The following SYNPR variants were observed in gnomAD, a reference collection of about 807,000 sequenced individuals.
The protein encoded by SYNPR is synaptoporin.
Under a neutral mutation model 32.9 loss-of-function variants are expected in SYNPR, and 23 were observed. That is an observed-to-expected ratio of 0.70 (90% CI 0.50 to 0.99). The LOEUF (loss-of-function observed/expected upper bound fraction) is 0.99, where lower values mean the gene tolerates loss of function less well. Ranked by LOEUF, SYNPR falls within the 50% of genes least tolerant of loss-of-function variation. SYNPR has a pLI of 0.00. For missense variants in SYNPR, 318 were observed against 349.3 expected, an observed-to-expected ratio of 0.91 and a Z score of 0.71; for synonymous variants, 146 against 135.9, an observed-to-expected ratio of 1.07 and a Z score of -0.52.
chr3:63,265,290 G>T (rs1166146026), intron 2 of SYNPR, among the ~76,000 whole-genome samples: 3 of 133,282 alleles, frequency 2.3e-5, no homozygotes, highest in African/African-American at 8.5e-5. Context: ...CTCAATCTGT[G>T]GCCCAGGATG....
At chr3:63,269,857 A>C (rs555533491) in intron 3 of SYNPR, among the ~76,000 whole-genome samples, 401 of 152,270 alleles carry the variant, frequency 2.6e-3, no homozygotes, top group Non-Finnish European at 4.8e-3. Flanking sequence ...TTCTACCTTC[A>C]AGGAGATCAT....
chr3:63,546,669 TG>T (rs1464357262), intron 3 of SYNPR, among the ~76,000 whole-genome samples: 12 of 151,826 alleles, frequency 7.9e-5, no homozygotes, highest in Non-Finnish European at 1.6e-4. Context: ...TTGTCTCTAA[TG>T]GTAAAGTGGA....
At chr3:63,417,392 G>A (rs1300650635) in intron 2 of SYNPR, among the ~76,000 whole-genome samples, 2 of 152,304 alleles carry the variant, frequency 1.3e-5, no homozygotes, top group South Asian at 2.1e-4. Flanking sequence ...CTGCTTTCAT[G>A]GGCTGGTGAT....
intron 3 of SYNPR, among the ~76,000 whole-genome samples, chr3:63,532,766 C>T (rs1702134239): frequency 6.6e-6 from 1 of 152,198 alleles, no homozygotes; most frequent in Non-Finnish European, 1.5e-5. Flanking sequence ...CACAGACGTG[C>T]AAGGTTTTAC....
At chr3:63,256,496 G>T (rs149105805) in intron 2 of SYNPR, among the ~76,000 whole-genome samples, 1 of 152,172 alleles carries the variant, frequency 6.6e-6, no homozygotes, top group Non-Finnish European at 1.5e-5. Context: ...CAACAGACCC[G>T]CAGCTGAGGG....
intron 2 of SYNPR, among the ~76,000 whole-genome samples, chr3:63,408,706 A>G (rs547537823): frequency 2.3e-4 from 35 of 152,254 alleles, no homozygotes; most frequent in African/African-American, 8.2e-4. Flanking sequence ...TTTTTGTTTT[A>G]TCTGAGCCCT....
intron 2 of SYNPR, among the ~76,000 whole-genome samples, chr3:63,344,988 A>C (rs1300035801): frequency 6.6e-6 from 1 of 152,220 alleles, no homozygotes; most frequent in Non-Finnish European, 1.5e-5. Flanking sequence ...TTGGGTTTCC[A>C]GAATGAAAAA....
the SYNPR span, among the ~76,000 whole-genome samples, chr3:63,211,841 C>G: frequency 2.0e-5 from 1 of 49,974 alleles, no homozygotes; most frequent in Non-Finnish European, 4.4e-5. Flanking sequence ...GTATATCTCC[C>G]AATGCTATCC....
At chr3:63,207,036 G>C in the SYNPR span, among the ~76,000 whole-genome samples, 8 of 152,220 alleles carry the variant, frequency 5.3e-5, no homozygotes, top group Admixed American at 5.2e-4. Context: ...GGGAGAAGGA[G>C]AGAGGAAGTT....
intron 2 of SYNPR, among the ~76,000 whole-genome samples, chr3:63,344,548 A>G (rs2087411950): frequency 9.0e-6 from 1 of 111,646 alleles, no homozygotes; most frequent in Non-Finnish European, 1.8e-5. Context: ...TATTCAAAAA[A>G]GATTTTTTTT....
In SYNPR at chr3:63,542,286, G is replaced by C. The variant is rs570726670; in HGVS notation, c.210-14257G>C. Among the ~76,000 whole-genome samples, 282 of 152,152 alleles carry C rather than the reference G, an allele frequency of 1.9e-3. 5 individuals are homozygous for C. The highest frequency in any genetic ancestry group is 6.6e-4 in the Non-Finnish European group (45 of 67,974). On this transcript the variant is annotated intron_variant, in intron 3 of 5. Coordinates refer to ENST00000478300, the MANE Select transcript of SYNPR (RefSeq NM_001130003.2). ...ATGATAATTGATCAGATCTACTTCT[G>C]AGTTTCAAACCTGAAAAGCAAGAAA...
At position 63,615,535 on chromosome 3, in the gene SYNPR, G is replaced by T. The variant is rs1002721988; in HGVS notation, c.*54G>T. The stretch of plus-strand genomic sequence containing the variant: ...CGCCTCACCATCTTCCATTTCAGTG[G>T]CAGAAGAATTTTTTAAGGGTTTCAA... On this transcript the variant is annotated 3_prime_UTR_variant, in exon 6 of 6. Transcript: ENST00000478300. 17 of 1,568,720 alleles carry T rather than the reference G, an allele frequency of 1.1e-5. No homozygotes were observed. In the African/African-American group the frequency reaches 2.2e-4, roughly 20 times the overall value.
chr3:63,238,208 G>A (rs1187218954), intron 1 of SYNPR, among the ~76,000 whole-genome samples: 1 of 152,070 alleles, frequency 6.6e-6, no homozygotes, highest in Non-Finnish European at 1.5e-5. Context: ...ACCTTTGGTT[G>A]TCCCTTGTGC....
chr3:63,260,554 T>G (rs1001578020), intron 2 of SYNPR, among the ~76,000 whole-genome samples: 3 of 152,162 alleles, frequency 2.0e-5, no homozygotes, highest in African/African-American at 7.2e-5. Flanking sequence ...TCCTTACACC[T>G]TATACAAAAA....
chr3:63,394,493 A>G (rs2107089894), intron 2 of SYNPR, among the ~76,000 whole-genome samples: 1 of 152,312 alleles, frequency 6.6e-6, no homozygotes, highest in East Asian at 1.9e-4. Flanking sequence ...TGTACTTAAC[A>G]TTTTGTATTT....
intron 2 of SYNPR, among the ~76,000 whole-genome samples, chr3:63,395,788 G>A (rs2088205362): frequency 6.6e-6 from 1 of 151,852 alleles, no homozygotes; most frequent in African/African-American, 2.4e-5. Context: ...AACTTTATCT[G>A]CATTGAGGAT....
intron 2 of SYNPR, among the ~76,000 whole-genome samples, chr3:63,259,246 A>C (rs1226005367): frequency 6.6e-6 from 1 of 152,216 alleles, no homozygotes; most frequent in Non-Finnish European, 1.5e-5. Context: ...TCCTGATACC[A>C]AAGCATGGCA....
chr3:63,352,345 G>C (rs990266427), intron 2 of SYNPR, among the ~76,000 whole-genome samples: 4 of 152,138 alleles, frequency 2.6e-5, no homozygotes, highest in Admixed American at 2.6e-4. Context: ...TTTCAAACCG[G>C]CAGATTCGGC....
At chr3:63,529,320 G>A (rs1397289334) in intron 3 of SYNPR, among the ~76,000 whole-genome samples, 1 of 152,206 alleles carries the variant, frequency 6.6e-6, no homozygotes, top group Non-Finnish European at 1.5e-5. Context: ...GTAAATAGCT[G>A]TTATAATGTA....
Sources: allele counts gnomAD v4.1 joint callset (sites outside exome capture counted in the v4.1 genomes callset), GRCh38; gene constraint gnomAD v4.1.1; transcripts MANE v1.5; gene names NCBI Gene and HGNC (gene_info 2026-07-23, HGNC 2026-07-21).